NPC1: variants seen among roughly 807,000 people sequenced by gnomAD.
NPC1 encodes the protein NPC intracellular cholesterol transporter 1, also known as Niemann-Pick C1 protein.
Under a neutral mutation model 140.4 loss-of-function variants are expected in NPC1, and 85 were observed. The ratio of observed to expected loss-of-function variants is 0.61; its 90% CI spans 0.51 to 0.72. The LOEUF is 0.72. NPC1 is among the 30% of genes least tolerant of loss of function. The pLI, the probability that NPC1 is intolerant of heterozygous loss-of-function variation, is 0.00. For synonymous variants in NPC1, 656 were observed against 624.8 expected (o/e 1.05, Z -0.74); for missense variants, 1,504 against 1,623.8 (o/e 0.93, Z 1.27).
At chr18:23,579,266 C>T (rs1000287853) in intron 1 of NPC1, among the ~76,000 whole-genome samples, 4 of 152,290 alleles carry the variant, frequency 2.6e-5, no homozygotes, top group Non-Finnish European at 4.4e-5. Context: ...CCTTGTAAGA[C>T]GGTAAAATCC....
intron 4 of NPC1, among the ~76,000 whole-genome samples, chr18:23,567,162 G>C (rs2145516124): frequency 6.6e-6 from 1 of 152,306 alleles, no homozygotes; most frequent in East Asian, 1.9e-4. Context: ...AGGTTTTGGG[G>C]TAGACACATT....
At chr18:23,567,847 G>A (rs528375394) in intron 4 of NPC1, among the ~76,000 whole-genome samples, 7 of 152,316 alleles carry the variant, frequency 4.6e-5, no homozygotes, top group African/African-American at 1.4e-4. Flanking sequence ...TTCACCCACA[G>A]TTGAAATTGA....
Position 23,541,067 on chromosome 18 carries a change from C to G in NPC1, c.2514+1G>C, listed in dbSNP as rs757477471. ...GAGAAAAACCACAGATAAGCGCATA[C>G]CACAATTGGTCTCATCCAGTCCTTT... On this transcript the variant is annotated splice_donor_variant, in intron 16 of 24. Transcript: ENST00000269228. LOFTEE classifies it high-confidence loss of function. 6.2e-7 allele frequency: 1 copy of G among 1,614,008 alleles called. No homozygotes were observed. The highest frequency in any genetic ancestry group is 1.3e-5 in the African/African-American group (1 of 74,914).
At chr18:23,567,531 A>G (rs1287207002) in intron 4 of NPC1, among the ~76,000 whole-genome samples, 1 of 152,176 alleles carries the variant, frequency 6.6e-6, no homozygotes, top group Non-Finnish European at 1.5e-5. Context: ...ATTTTGAATA[A>G]CAGTCCTTAC....
chr18:23,524,112 T>C lies in NPC1; in HGVS notation c.164-1206A>G, dbSNP rs752944530. 37 of 1,613,994 alleles carry C rather than the reference T, an allele frequency of 2.3e-5. 1 individual carries two copies. The highest frequency in any genetic ancestry group is 1.6e-4 in the Middle Eastern group (1 of 6,082). On this transcript the variant is annotated intron_variant, in intron 1 of 1. Transcript: ENST00000590723. Reference sequence around the variant, plus strand: ...TTTTCTGACTGCATCGTTGCACTTATGTTTTCTCAATTTGTAGGTCCTGCT... The same window carrying C: ...TTTTCTGACTGCATCGTTGCACTTACGTTTTCTCAATTTGTAGGTCCTGCT...
downstream of NPC1, among the ~76,000 whole-genome samples, chr18:23,521,066 A>G (rs1448948398): frequency 6.6e-6 from 1 of 151,858 alleles, no homozygotes; most frequent in African/African-American, 2.4e-5. Flanking sequence ...TGTTGGCCAG[A>G]CTGGTCTTGA....
intron 5 of NPC1, among the ~76,000 whole-genome samples, 161 bp from the exon 6 acceptor site, chr18:23,560,641 C>T (rs55972433): frequency 1.1e-4 from 17 of 152,196 alleles, no homozygotes; most frequent in African/African-American, 2.2e-4. Flanking sequence ...TTTGCTGCTT[C>T]GTCCTATGGA....
At chr18:23,517,496 A>G (rs1788817), downstream of NPC1, among the ~76,000 whole-genome samples, 80,181 of 151,984 alleles carry the variant, frequency 0.53, 21,779 homozygotes, top group East Asian at 0.91. Context: ...CAGTTTTTAA[A>G]TTTGTAATGA....
chr18:23,571,428 G>A lies in NPC1; in HGVS notation c.287+646C>T, dbSNP rs577736467. On this transcript the variant is annotated intron_variant, in intron 3 of 24. Transcript: ENST00000269228. ...CAGCCTGTAATAACCAGGCTGAGGC[G>A]GGTAGATGACTTGAGGTCAGGAGTT... Among the ~76,000 whole-genome samples, 8 of 151,988 alleles carry A rather than the reference G, an allele frequency of 5.3e-5. No individual in the cohort carries two copies. The East Asian group carries it at 1.2e-3, about 22-fold the overall frequency.
Position 23,534,115 on chromosome 18 carries a change from A to T in NPC1, c.3591+331T>A, listed in dbSNP as rs2058587026. On this transcript the variant is annotated intron_variant, in intron 23 of 24. Coordinates refer to ENST00000269228, the MANE Select transcript of NPC1 (RefSeq NM_000271.5). The stretch of plus-strand genomic sequence containing the variant: ...CAGGGTGTAGAGTTGAACCAAGACG[A>T]CTCTCCAGGCACCAACCGCACATCA... 16 of 475,446 alleles carry T rather than the reference A, an allele frequency of 3.4e-5. 1 individual carries two copies. The highest frequency in any genetic ancestry group is 1.2e-3 in the Middle Eastern group (2 of 1,648). The allele number at this position is 475,446 out of a possible 1,614,324, so 29.5% of individuals were successfully genotyped here.
downstream of NPC1, chr18:23,530,164 G>A (rs765030027): frequency 1.2e-6 from 2 of 1,613,356 alleles, no homozygotes; most frequent in Admixed American, 3.3e-5. Context: ...CTTCCATTGT[G>A]GTTAAAAATG....
In NPC1 at chr18:23,544,951, C is replaced by CG. The variant is rs768629263; in HGVS notation, c.1947+8_1947+9insC. ...CCTCTAGAACATACACCACCCCCCC[C>CG]CGGCTTACCAGAAGCCTGCGACAGC... On this transcript the variant is annotated intron_variant, in intron 12 of 24. Transcript: ENST00000269228. The CG allele has an allele frequency of 9.7e-6, 14 of 1,436,102 alleles. No individual in the cohort carries two copies. The highest frequency in any genetic ancestry group is 3.5e-4 in the Middle Eastern group (2 of 5,766). The allele number at this position is 1,436,102 out of a possible 1,614,324, so 89.0% of individuals were successfully genotyped here. A position where few individuals can be genotyped will look rare whatever the true frequency, so the allele number is the denominator to read the frequency against.
At chr18:23,536,615 T>A in intron 21 of NPC1, 58 bp downstream of exon 21, 4 of 1,474,620 alleles carry the variant, frequency 2.7e-6, no homozygotes, top group Non-Finnish European at 3.7e-6. Context: ...CCCTCCCCAC[T>A]CCCACCCAGT....
In NPC1 at chr18:23,556,228, C is replaced by T. The variant is rs1391667676; in HGVS notation, c.1326+15G>A. On this transcript the variant is annotated intron_variant, in intron 8 of 24. Transcript: ENST00000269228. ...GGTCATCTAGAGTGACTTATTTCTT[C>T]AAACAGCAGGTTACCTGGTGCAGTA... The T allele has an allele frequency of 3.1e-6, 5 of 1,612,964 alleles. No individual in the cohort carries two copies. The highest frequency in any genetic ancestry group is 1.3e-5 in the African/African-American group (1 of 74,890).
chr18:23,585,646 C>T (rs1001113196), intron 1 of NPC1, among the ~76,000 whole-genome samples: 2 of 152,134 alleles, frequency 1.3e-5, no homozygotes, highest in African/African-American at 4.8e-5. Context: ...AGCAAAAGCC[C>T]CCAGAAGGAG....
intron 3 of NPC1, among the ~76,000 whole-genome samples, chr18:23,513,078 T>C (rs111937344): frequency 0.025 from 3,769 of 152,222 alleles, 124 homozygotes; most frequent in African/African-American, 0.087. Context: ...CTCAGCTTCC[T>C]GAATAGCTGG....
intron 4 of NPC1, among the ~76,000 whole-genome samples, chr18:23,566,741 A>G (rs2059131020): frequency 6.6e-6 from 1 of 152,212 alleles, no homozygotes; most frequent in Admixed American, 6.5e-5. Context: ...TTAAGTATGT[A>G]GTACTTTTGT....
Position 23,532,215 on chromosome 18 carries a change from A to G in NPC1, c.3824T>C (p.Leu1275Pro). ...ERYKGTERER[L>P]LNF ...CCTGCGAGAGGGCTAGAAATTTAGA[A>G]GCCGTTCGCGCTCTGTTCCTTTGTA... The change falls in exon 25 of 25, where the codon CTT becomes CCT. Residue 1275 changes from leucine (L) to proline (P), a missense_variant. Leu to Pro is a moderately conservative substitution (Grantham distance 98). Transcript: ENST00000269228. 6.2e-7 allele frequency: 1 copy of G among 1,614,102 alleles called. No homozygotes were observed. The highest frequency in any genetic ancestry group is 8.5e-7 in the Non-Finnish European group (1 of 1,180,034).
At chr18:23,547,203 A>G (rs2058802165) in intron 11 of NPC1, among the ~76,000 whole-genome samples, 2 of 152,298 alleles carry the variant, frequency 1.3e-5, no homozygotes, top group African/African-American at 2.4e-5. Context: ...TGGAGGGCAT[A>G]AAGTGCAACC....
Sources: allele counts gnomAD v4.1 joint callset (sites outside exome capture counted in the v4.1 genomes callset), GRCh38; gene constraint gnomAD v4.1.1; transcripts MANE v1.5; gene names NCBI Gene and HGNC (gene_info 2026-07-23, HGNC 2026-07-21).